DLGAP4: variants seen among roughly 807,000 people sequenced by gnomAD.
DLGAP4 encodes the protein DLG associated protein 4.
Under a neutral mutation model 86.9 loss-of-function variants are expected in DLGAP4, and 18 were observed. The observed-to-expected ratio is 0.21, with a 90% confidence interval of 0.14 to 0.31. DLGAP4 has a LOEUF of 0.31. DLGAP4 is among the 10% of genes least tolerant of loss of function. The probability of loss-of-function intolerance (pLI) is 1.00; values close to 1 mark genes in which losing one functional copy is unlikely to be tolerated. For synonymous variants in DLGAP4, 548 were observed against 574.3 expected (o/e 0.95, Z 0.65); for missense variants, 1,085 against 1,362.6 (o/e 0.80, Z 3.21).
At chr20:36,516,953 G>A (rs1261252065) in intron 10 of DLGAP4, among the ~76,000 whole-genome samples, 1 of 150,668 alleles carries the variant, frequency 6.6e-6, no homozygotes, top group Non-Finnish European at 1.5e-5. Flanking sequence ...TTTATATTTT[G>A]TATCTCTATA....
At chr20:36,514,280 G>C (rs1489387911) in intron 10 of DLGAP4, among the ~76,000 whole-genome samples, 3 of 152,186 alleles carry the variant, frequency 2.0e-5, no homozygotes, top group Admixed American at 1.3e-4. Context: ...GCATGGGTAA[G>C]GTAGCCTGAG....
intron 1 of DLGAP4, among the ~76,000 whole-genome samples, chr20:36,322,821 T>G (rs1168650915): frequency 6.6e-6 from 1 of 152,130 alleles, no homozygotes; most frequent in East Asian, 1.9e-4. Flanking sequence ...CTTAAGCAGA[T>G]AGTATAGCTT....
chr20:36,458,344 CTTTTTTTTTTT>C (rs1173496431), intron 7 of DLGAP4, among the ~76,000 whole-genome samples: 1 of 91,414 alleles, frequency 1.1e-5, no homozygotes, highest in Non-Finnish European at 2.1e-5. Flanking sequence ...AACCCCATAT[CTTTTTTTTTTT>C]TTTTTTTTTT....
chr20:36,371,497 GGC>G, intron 2 of DLGAP4, among the ~76,000 whole-genome samples: 2 of 152,326 alleles, frequency 1.3e-5, no homozygotes, highest in African/African-American at 4.8e-5. Flanking sequence ...TGTCCAAGAT[GGC>G]CCTCTCTAAG....
intron 5 of DLGAP4, 57 bp downstream of exon 5, chr20:36,439,925 G>T: frequency 2.7e-6 from 4 of 1,468,746 alleles, no homozygotes; most frequent in South Asian, 1.2e-5. Flanking sequence ...TTCCCATCTG[G>T]GAGGAGGACA....
chr20:36,514,719 T>A (rs1452211838), intron 10 of DLGAP4, among the ~76,000 whole-genome samples: 2 of 152,154 alleles, frequency 1.3e-5, no homozygotes, highest in Non-Finnish European at 2.9e-5. Context: ...TGTCCTTGTT[T>A]TGTTTTTTTA....
chr20:36,412,697 A>T (rs1471951594), intron 2 of DLGAP4, among the ~76,000 whole-genome samples: 1 of 152,228 alleles, frequency 6.6e-6, no homozygotes, highest in African/African-American at 2.4e-5. Flanking sequence ...GCATCTGATC[A>T]GTAAGCTCTG....
intron 10 of DLGAP4, among the ~76,000 whole-genome samples, chr20:36,509,399 C>T (rs893804296): frequency 1.1e-4 from 16 of 152,126 alleles, no homozygotes; most frequent in African/African-American, 2.4e-4. Flanking sequence ...AGTGAAACCC[C>T]GTCTCTACTG....
chr20:36,499,298 C>T (rs374380902), intron 8 of DLGAP4: 98 of 1,613,566 alleles, frequency 6.1e-5, no homozygotes, highest in Non-Finnish European at 8.0e-5. Flanking sequence ...CCAAAGCGAT[C>T]GATGTGATGG....
At chr20:36,457,663 G>A (rs1406400222) in intron 7 of DLGAP4, among the ~76,000 whole-genome samples, 1 of 148,626 alleles carries the variant, frequency 6.7e-6, no homozygotes, top group Non-Finnish European at 1.5e-5. Flanking sequence ...TTACAGGCAT[G>A]AGCCACCACG....
At chr20:36,434,011 C>G (rs921591380) in intron 3 of DLGAP4, among the ~76,000 whole-genome samples, 1 of 140,918 alleles carries the variant, frequency 7.1e-6, no homozygotes, top group African/African-American at 2.7e-5. Flanking sequence ...TGGCAGGATC[C>G]TGGCTCACTG....
chr20:36,429,982 CTT>C (rs2033084862), intron 2 of DLGAP4, among the ~76,000 whole-genome samples: 2 of 152,330 alleles, frequency 1.3e-5, no homozygotes, highest in Admixed American at 1.3e-4. Flanking sequence ...CACACTGACT[CTT>C]TGCCAATCCT....
At chr20:36,409,092 G>A (rs1459228835) in intron 2 of DLGAP4, among the ~76,000 whole-genome samples, 1 of 148,538 alleles carries the variant, frequency 6.7e-6, no homozygotes, top group Non-Finnish European at 1.5e-5. Context: ...CTGGAGTGTG[G>A]TGGCGCCATC....
chr20:36,515,933 C>T (rs2037010657), intron 10 of DLGAP4, among the ~76,000 whole-genome samples: 3 of 152,146 alleles, frequency 2.0e-5, no homozygotes, highest in Non-Finnish European at 4.4e-5. Context: ...ATGGTGGAGC[C>T]ACAGGCTTTT....
At chr20:36,353,811 C>T (rs1189829661) in intron 1 of DLGAP4, among the ~76,000 whole-genome samples, 1 of 152,264 alleles carries the variant, frequency 6.6e-6, no homozygotes, top group Non-Finnish European at 1.5e-5. Flanking sequence ...GGGCAGGAGG[C>T]CACACCTGCC....
chr20:36,375,523 C>T (rs1296981391), intron 2 of DLGAP4, among the ~76,000 whole-genome samples: 3 of 152,194 alleles, frequency 2.0e-5, no homozygotes, highest in Non-Finnish European at 2.9e-5. Context: ...CGAATCAGAG[C>T]TGCCCCTGCC....
At chr20:36,413,113 G>A (rs1372781318) in intron 2 of DLGAP4, among the ~76,000 whole-genome samples, 1 of 151,526 alleles carries the variant, frequency 6.6e-6, no homozygotes, top group African/African-American at 2.4e-5. Flanking sequence ...CTGAGTAGCT[G>A]GGGTTACAGG....
intron 7 of DLGAP4, among the ~76,000 whole-genome samples, chr20:36,487,210 T>C (rs1000963193): frequency 1.1e-4 from 17 of 152,154 alleles, no homozygotes; most frequent in African/African-American, 3.6e-4. Flanking sequence ...GCAAGGCTGA[T>C]GTGAAGGAGG....
chr20:36,310,775 G>A (rs1215906571), intron 1 of DLGAP4, among the ~76,000 whole-genome samples: 2 of 152,310 alleles, frequency 1.3e-5, no homozygotes, highest in East Asian at 1.9e-4. Context: ...TGGGGCTGGC[G>A]AGGCTTGGCA....
Sources: allele counts gnomAD v4.1 joint callset (sites outside exome capture counted in the v4.1 genomes callset), GRCh38; gene constraint gnomAD v4.1.1; transcripts MANE v1.5; gene names NCBI Gene and HGNC (gene_info 2026-07-23, HGNC 2026-07-21).